The following AGBL4 variants were observed in gnomAD, a reference collection of about 807,000 sequenced individuals.
AGBL4 encodes the protein cytosolic carboxypeptidase 6.
A neutral mutation model predicts 66.4 loss-of-function variants in AGBL4; 58 were observed. The observed-to-expected ratio is 0.87, with a 90% CI of 0.71 to 1.09. The LOEUF (loss-of-function observed/expected upper bound fraction) is 1.09, where lower values mean the gene tolerates loss of function less well. AGBL4 is among the 50% of genes least tolerant of loss of function. The pLI, the probability that AGBL4 is intolerant of heterozygous loss-of-function variation, is 0.00. For synonymous variants in AGBL4, 234 were observed against 222.9 expected (o/e 1.05, Z -0.44); for missense variants, 579 against 631.0 (o/e 0.92, Z 0.88).
chr1:49,333,717 A>C (rs1455343481), intron 3 of AGBL4, among the ~76,000 whole-genome samples: 1 of 152,214 alleles, frequency 6.6e-6, no homozygotes, highest in Non-Finnish European at 1.5e-5. Flanking sequence ...AAGTCCTTAT[A>C]ATAAATTTAA....
chr1:49,254,874 A>G (rs534543086), intron 3 of AGBL4, among the ~76,000 whole-genome samples: 1 of 152,064 alleles, frequency 6.6e-6, no homozygotes, highest in Non-Finnish European at 1.5e-5. Context: ...ACCTAAAACT[A>G]TGATCTTCAA....
At chr1:48,955,782 G>A (rs1657402472) in intron 5 of AGBL4, among the ~76,000 whole-genome samples, 1 of 152,176 alleles carries the variant, frequency 6.6e-6, no homozygotes. Flanking sequence ...GGATGACCCT[G>A]GGAAAAAGTT....
intron 9 of AGBL4, among the ~76,000 whole-genome samples, chr1:48,602,033 C>T (rs1439492773): frequency 6.6e-6 from 1 of 152,068 alleles, no homozygotes; most frequent in Non-Finnish European, 1.5e-5. Context: ...ATGTTGCTTC[C>T]TTATAAATCA....
At chr1:49,962,408 C>G (rs1657192712) in intron 1 of AGBL4, among the ~76,000 whole-genome samples, 1 of 151,988 alleles carries the variant, frequency 6.6e-6, no homozygotes, top group Admixed American at 6.6e-5. Context: ...AATACTTTTT[C>G]AAAGTGTGGG....
chr1:50,013,250 T>G (rs184713450), intron 1 of AGBL4, among the ~76,000 whole-genome samples: 1 of 152,148 alleles, frequency 6.6e-6, no homozygotes, highest in Admixed American at 6.5e-5. Flanking sequence ...AATCAGGTTA[T>G]AGGAATTAAT....
intron 4 of AGBL4, among the ~76,000 whole-genome samples, chr1:49,096,882 A>G (rs1645116220): frequency 6.6e-6 from 1 of 152,034 alleles, no homozygotes; most frequent in Non-Finnish European, 1.5e-5. Flanking sequence ...ACAGAAGTGG[A>G]GAGAGATTTG....
chr1:49,304,963 T>C (rs1644823382), intron 3 of AGBL4, among the ~76,000 whole-genome samples: 1 of 152,214 alleles, frequency 6.6e-6, no homozygotes. Context: ...ACATTTTCTA[T>C]GTGCCAAAAC....
intron 3 of AGBL4, among the ~76,000 whole-genome samples, chr1:49,412,574 C>T (rs576517923): frequency 2.6e-5 from 4 of 152,110 alleles, no homozygotes; most frequent in Non-Finnish European, 5.9e-5. Context: ...CAGCATCATG[C>T]TTTTATATCA....
intron 5 of AGBL4, among the ~76,000 whole-genome samples, chr1:49,021,878 C>A (rs939249409): frequency 6.6e-6 from 1 of 152,118 alleles, no homozygotes; most frequent in Admixed American, 6.6e-5. Flanking sequence ...CAGGGTCTCT[C>A]TGGGTCCAAA....
intron 2 of AGBL4, among the ~76,000 whole-genome samples, chr1:49,847,063 G>A (rs1646166110): frequency 1.3e-5 from 2 of 152,122 alleles, no homozygotes; most frequent in African/African-American, 4.8e-5. Context: ...AAAACAGCAT[G>A]GTACTGGTTT....
intron 6 of AGBL4, among the ~76,000 whole-genome samples, chr1:48,788,550 T>A (rs1217676699): frequency 6.6e-6 from 1 of 152,228 alleles, no homozygotes; most frequent in Non-Finnish European, 1.5e-5. Context: ...ATATTATATA[T>A]TTAAAACATG....
chr1:49,536,701 A>G (rs1460747743), intron 3 of AGBL4, among the ~76,000 whole-genome samples: 1 of 152,218 alleles, frequency 6.6e-6, no homozygotes, highest in Non-Finnish European at 1.5e-5. Context: ...GTATAAAAAT[A>G]CACACATTGA....
chr1:49,049,214 C>T (rs1465077607), intron 4 of AGBL4, among the ~76,000 whole-genome samples: 1 of 152,086 alleles, frequency 6.6e-6, no homozygotes, highest in Non-Finnish European at 1.5e-5. Context: ...ACCTGGTCTG[C>T]CTTCCCCACC....
Position 49,243,280 on chromosome 1 carries a change from T to C in AGBL4, c.377+2490A>G, listed in dbSNP as rs189640165. 4.5e-4 allele frequency among the ~76,000 whole-genome samples: 68 copies of C among 151,754 alleles called. No individual in the cohort carries two copies. In the Admixed American group the frequency reaches 4.5e-3, roughly 10 times the overall value. ...ATTAGAAAGACACTGGAGAAGATAC[T>C]ATAAATTTGAGATCTACGAGGTATT... On this transcript the variant is annotated intron_variant, in intron 4 of 13. Coordinates refer to ENST00000371839, the MANE Select transcript of AGBL4 (RefSeq NM_032785.4).
intron 3 of AGBL4, among the ~76,000 whole-genome samples, chr1:49,594,924 T>C (rs934617685): frequency 1.3e-5 from 2 of 152,334 alleles, no homozygotes; most frequent in Admixed American, 1.3e-4. Flanking sequence ...TTTCTGGTTC[T>C]AGATCCTTGA....
chr1:49,365,113 G>T (rs765580863), intron 3 of AGBL4, among the ~76,000 whole-genome samples: 1 of 152,164 alleles, frequency 6.6e-6, no homozygotes, highest in Non-Finnish European at 1.5e-5. Context: ...GATCAAATGA[G>T]AGAGGAGACT....
intron 6 of AGBL4, chr1:48,758,854 G>A: frequency 6.9e-7 from 1 of 1,439,348 alleles, no homozygotes; most frequent in Non-Finnish European, 9.2e-7. Flanking sequence ...TCTGCATGAA[G>A]TATTTCACCC....
intron 2 of AGBL4, among the ~76,000 whole-genome samples, chr1:49,835,049 T>C (rs1318969281): frequency 6.6e-6 from 1 of 152,216 alleles, no homozygotes; most frequent in East Asian, 1.9e-4. Context: ...GTATATTCTA[T>C]TGATTTGGGG....
At chr1:48,969,308 T>C (rs576421259) in intron 5 of AGBL4, among the ~76,000 whole-genome samples, 36 of 152,282 alleles carry the variant, frequency 2.4e-4, no homozygotes, top group Non-Finnish European at 4.1e-4. Context: ...TCCCTCTGCC[T>C]GTTCTCTTCC....
Sources: gnomAD v4.1 joint callset for allele counts (sites outside exome capture counted in the v4.1 genomes callset) on GRCh38, gnomAD v4.1.1 for gene constraint, MANE v1.5 for transcripts, NCBI Gene and HGNC (gene_info 2026-07-23, HGNC 2026-07-21) for gene names.